GXYLT2: variants seen among roughly 807,000 people sequenced by gnomAD.
GXYLT2 encodes glycosyltransferase 8 domain containing 4.
A neutral mutation model predicts 45.8 loss-of-function variants in GXYLT2; 53 were observed. The observed-to-expected ratio is 1.16, with a 90% CI of 0.93 to 1.46. The LOEUF (loss-of-function observed/expected upper bound fraction) is 1.46. GXYLT2 is among the 40% of genes most tolerant of loss of function. GXYLT2 has a pLI of 0.00. For missense variants in GXYLT2, 551 were observed against 544.4 expected (o/e 1.01, Z -0.12); for synonymous variants, 219 against 214.2 (o/e 1.02, Z -0.19).
At chr3:72,954,637 A>AAAATAAATAAAT (rs3078689) in intron 3 of GXYLT2, among the ~76,000 whole-genome samples, 3,730 of 135,948 alleles carry the variant, frequency 0.027, 95 homozygotes, top group African/African-American at 0.052. Flanking sequence ...CTCCATCTCA[A>AAAATAAATAAAT]AAATAAATAA....
At chr3:72,940,094 G>A (rs754030336) in intron 3 of GXYLT2, among the ~76,000 whole-genome samples, 2 of 152,158 alleles carry the variant, frequency 1.3e-5, no homozygotes, top group Non-Finnish European at 2.9e-5. Context: ...GGAGGTGGAG[G>A]CTGCAATGAG....
chr3:72,915,319 C>A (rs1335686107), intron 2 of GXYLT2, among the ~76,000 whole-genome samples: 1 of 133,652 alleles, frequency 7.5e-6, no homozygotes, highest in Non-Finnish European at 1.5e-5. Flanking sequence ...GGGGACCATG[C>A]CTCTTCGTTA....
chr3:72,963,052 C>T (rs1710797584), intron 5 of GXYLT2, among the ~76,000 whole-genome samples: 1 of 151,920 alleles, frequency 6.6e-6, no homozygotes, highest in African/African-American at 2.4e-5. Context: ...GAGCTTATGC[C>T]TGTAATCTCA....
intron 1 of GXYLT2, among the ~76,000 whole-genome samples, chr3:72,888,894 A>C (rs951650243): frequency 6.6e-5 from 10 of 152,162 alleles, no homozygotes; most frequent in African/African-American, 2.4e-4. Context: ...GAAACCTTAG[A>C]TATGGTTGAG....
chr3:72,965,768 AAT>A (rs1192890427), intron 5 of GXYLT2, among the ~76,000 whole-genome samples: 3 of 152,076 alleles, frequency 2.0e-5, no homozygotes, highest in African/African-American at 7.2e-5. Flanking sequence ...TTTCCCTCCA[AAT>A]ATTGCCAAAT....
At chr3:72,971,539 T>A (rs1017006769) in intron 6 of GXYLT2, among the ~76,000 whole-genome samples, 4 of 152,192 alleles carry the variant, frequency 2.6e-5, no homozygotes, top group Admixed American at 6.5e-5. Context: ...AGTTTTTTCA[T>A]CAGTCAAGTG....
At chr3:72,971,421 T>C (rs1710983735) in intron 6 of GXYLT2, among the ~76,000 whole-genome samples, 1 of 152,160 alleles carries the variant, frequency 6.6e-6, no homozygotes, top group Non-Finnish European at 1.5e-5. Context: ...TGAACCATTG[T>C]GTAGTGGGTC....
intron 3 of GXYLT2, among the ~76,000 whole-genome samples, chr3:72,953,537 G>A (rs949888998): frequency 2.0e-5 from 3 of 152,116 alleles, no homozygotes; most frequent in African/African-American, 7.2e-5. Flanking sequence ...CTATCTGCCT[G>A]CCTCGGCCTC....
rs1036279476 is a variant in GXYLT2, at chr3:72,929,529, C to A, written c.600+7194C>A. 2.4e-6 allele frequency: 3 copies of A among 1,237,370 alleles called. No individual in the cohort carries two copies. In the East Asian group the frequency reaches 6.9e-5, roughly 29 times the overall value. 76.6% of individuals were successfully genotyped at this position (1,237,370 alleles called of 1,614,324 possible). The stretch of plus-strand genomic sequence containing the variant: ...GACCAACTTGTGCAAGATGGGAGCA[C>A]CCGAATCTGGCTCGGCAGAATATCT... On this transcript the variant is annotated intron_variant, in intron 3 of 6. Transcript: ENST00000389617.
At chr3:72,929,704 T>A in intron 3 of GXYLT2, 1 of 608,680 alleles carries the variant, frequency 1.6e-6, no homozygotes, top group Admixed American at 2.8e-5. Context: ...CACCACAACA[T>A]CCAGAAAAAA....
Position 72,967,648 on chromosome 3 carries a change from C to T in GXYLT2, c.1078C>T (p.His360Tyr). 1 of 1,613,946 alleles carries T rather than the reference C, an allele frequency of 6.2e-7. No homozygotes were observed. The highest frequency in any genetic ancestry group is 1.1e-5 in the South Asian group (1 of 91,066). Residue 360 changes from histidine to tyrosine, a missense_variant, in exon 6 of 7, where the codon CAT becomes TAT. By Grantham distance (83) the His-to-Tyr change is moderately conservative (BLOSUM62 2). Transcript: ENST00000389617. ...TGAGCATGAAGGTGTGTCTGTTCTG[C>T]ATGGAAACCGAGGCGTCTACCATGA... The part of the protein sequence containing the change: ...EAEHEGVSVL[H>Y]GNRGVYHDDK...
chr3:72,946,123 A>T (rs977653183), intron 3 of GXYLT2, among the ~76,000 whole-genome samples: 2 of 151,864 alleles, frequency 1.3e-5, no homozygotes, highest in African/African-American at 4.8e-5. Flanking sequence ...CAAAAAATTT[A>T]AAAATTAGCT....
At position 72,918,234 on chromosome 3, in the gene GXYLT2, C is replaced by A. The variant is rs7616774; in HGVS notation, c.469-3970C>A. On this transcript the variant is annotated intron_variant, in intron 2 of 6. Transcript: ENST00000389617. The stretch of plus-strand genomic sequence containing the variant: ...GATTTTTTAAAACTATTTTAGAATG[C>A]CAAACCATTGTTGGCTTGTGTACTC... 7.7e-3 allele frequency among the ~76,000 whole-genome samples: 1,168 copies of A among 152,252 alleles called. 20 individuals carry two copies. The highest frequency in any genetic ancestry group is 0.027 in the African/African-American group (1,122 of 41,548).
At chr3:72,966,563 AAT>A (rs1710871095) in intron 5 of GXYLT2, among the ~76,000 whole-genome samples, 1 of 147,678 alleles carries the variant, frequency 6.8e-6, no homozygotes, top group Non-Finnish European at 1.5e-5. Flanking sequence ...GGGCTCAAGG[AAT>A]CCTGCCAAGT....
chr3:72,927,578 C>T (rs1325038863), intron 3 of GXYLT2, among the ~76,000 whole-genome samples: 1 of 152,030 alleles, frequency 6.6e-6, no homozygotes, highest in East Asian at 1.9e-4. Flanking sequence ...AATATTACAC[C>T]TCAGTATTTG....
In GXYLT2 at chr3:72,968,913, T is replaced by A. The variant is rs190150053; in HGVS notation, c.1149+1194T>A. ...TCTACTAAAAAATACAAAAAAAAAA[T>A]TTTTTTTTGGTGCTGGGTGTGGTGG... On this transcript the variant is annotated intron_variant, in intron 6 of 6. Transcript: ENST00000389617. Among the ~76,000 whole-genome samples, 508 of 150,958 alleles carry A rather than the reference T, an allele frequency of 3.4e-3. 3 individuals are homozygous for A. Among genetic ancestry groups the A allele is most frequent in the African/African-American group, 0.011 (465 of 41,112 alleles).
chr3:72,893,053 C>T (rs777535937), intron 1 of GXYLT2, among the ~76,000 whole-genome samples: 1 of 152,170 alleles, frequency 6.6e-6, no homozygotes, highest in African/African-American at 2.4e-5. Context: ...TCCACTCTAG[C>T]GCCCTCTACA....
At chr3:72,945,542 C>T (rs952446357) in intron 3 of GXYLT2, among the ~76,000 whole-genome samples, 3 of 151,930 alleles carry the variant, frequency 2.0e-5, no homozygotes, top group South Asian at 2.1e-4. Flanking sequence ...TGAGACATGA[C>T]GGAAGGAAGG....
chr3:72,955,167 G>A lies in GXYLT2; in HGVS notation c.670G>A (p.Asp224Asn). 6.2e-7 allele frequency: 1 copy of A among 1,613,998 alleles called. No homozygotes were observed. The highest frequency in any genetic ancestry group is 1.1e-5 in the South Asian group (1 of 91,086). ...TGTCCTCTTTCTGAGACCTGTTGAT[G>A]ACATCTGGAAGCTTCTGAGGCTGTT... ...TDVLFLRPVD[D>N]IWKLLRLFNS... Residue 224 changes from aspartate to asparagine, a missense_variant, in exon 4 of 7, where the codon GAC becomes AAC. Transcript: ENST00000389617.
Sources: gnomAD v4.1 joint callset for allele counts (sites outside exome capture counted in the v4.1 genomes callset) on GRCh38, gnomAD v4.1.1 for gene constraint, MANE v1.5 for transcripts, NCBI Gene and HGNC (gene_info 2026-07-23, HGNC 2026-07-21) for gene names.